The following RLF variants were observed in gnomAD, a reference collection of about 807,000 sequenced individuals.
RLF encodes the protein RLF zinc finger, also known as zinc finger protein Rlf.
RLF carries 7 observed loss-of-function variants against 162.9 expected under a neutral mutation model. The ratio of observed to expected loss-of-function variants is 0.04; its 90% CI spans 0.02 to 0.08. RLF has a LOEUF of 0.08. RLF is among the 10% of genes least tolerant of loss of function. The pLI is 1.00. For synonymous variants in RLF, 782 were observed against 791.5 expected (o/e 0.99, Z 0.20); for missense variants, 1,664 against 2,244.7 (o/e 0.74, Z 5.23).
intron 6 of RLF, among the ~76,000 whole-genome samples, chr1:40,229,448 CTTTTTTTTT>C (rs1005418216): frequency 1.6e-4 from 15 of 90,980 alleles, no homozygotes; most frequent in African/African-American, 6.4e-4. Context: ...ATTCATTTAT[CTTTTTTTTT>C]TTTTTTTTTT....
Position 40,161,786 on chromosome 1 carries a change from C to A in RLF, c.237+150C>A. ...GGGCCGGGAAGGCCCAGCTCGGAAG[C>A]TCGACCGCTGGCCCCCCTGCGCCAC... On this transcript the variant is annotated intron_variant, in intron 1 of 7. Coordinates refer to ENST00000372771, the MANE Select transcript of RLF (RefSeq NM_012421.4). This position sits in a 1 kb window ranked among gnomAD's most constrained non-coding sequence, Gnocchi z 4.4. 1 of 1,162,814 alleles carries A rather than the reference C, an allele frequency of 8.6e-7. No homozygotes were observed. Among genetic ancestry groups the A allele is most frequent in the Non-Finnish European group, 1.2e-6 (1 of 846,450 alleles). The allele number at this position is 1,162,814 out of a possible 1,614,324, so 72.0% of individuals were successfully genotyped here.
chr1:40,218,541 C>T (rs1049170520), intron 5 of RLF, among the ~76,000 whole-genome samples: 3 of 152,176 alleles, frequency 2.0e-5, no homozygotes, highest in Admixed American at 6.5e-5. Flanking sequence ...AACCTTTTCC[C>T]TCCTCACATG....
intron 1 of RLF, among the ~76,000 whole-genome samples, chr1:40,185,825 T>G (rs1481352412): frequency 3.3e-5 from 1 of 30,196 alleles, no homozygotes; most frequent in African/African-American, 1.8e-4. Flanking sequence ...TGAGACTGTC[T>G]CAAAAAAAAA....
chr1:40,169,787 G>A (rs1353555193), intron 1 of RLF, among the ~76,000 whole-genome samples: 3 of 150,638 alleles, frequency 2.0e-5, no homozygotes, highest in African/African-American at 7.3e-5. Flanking sequence ...CCGCCTCCCG[G>A]GTTCAAGTGA....
chr1:40,212,224 A>G (rs1204020480), intron 5 of RLF, among the ~76,000 whole-genome samples: 1 of 152,154 alleles, frequency 6.6e-6, no homozygotes, highest in African/African-American at 2.4e-5. Flanking sequence ...GCTGCTGGGG[A>G]AGATTTAGCC....
In RLF at chr1:40,195,619, G is replaced by T. The variant is rs201022214; in HGVS notation, c.475-13G>T. The stretch of plus-strand genomic sequence containing the variant: ...TGTTAACTTATTTTCTGGGTGTGCT[G>T]TTCTTGTTCTAGGAGTCACATGATG... On this transcript the variant is annotated splice_polypyrimidine_tract_variant and intron_variant, in intron 3 of 7. Coordinates refer to ENST00000372771, the MANE Select transcript of RLF (RefSeq NM_012421.4). 4 of 1,603,786 alleles carry T rather than the reference G, an allele frequency of 2.5e-6. No individual in the cohort carries two copies. The highest frequency in any genetic ancestry group is 3.4e-6 in the Non-Finnish European group (4 of 1,174,876).
chr1:40,202,525 T>G lies in RLF; in HGVS notation c.721T>G (p.Ser241Ala), dbSNP rs545236290. Residue 241 changes from serine (S) to alanine (A), a missense_variant, in exon 5 of 8, where the codon TCT (serine) becomes GCT (alanine). Coordinates refer to ENST00000372771, the MANE Select transcript of RLF (RefSeq NM_012421.4). ...ATALSKLCAESKEISNVSSFQ... is the reference protein window; with the variant it reads ...ATALSKLCAEAKEISNVSSFQ... ...TGCTTTATCAAAACTATGTGCAGAA[T>G]CTAAAGAAATTTCAAATGTGTCATC... 1 of 1,568,168 alleles carries G rather than the reference T, an allele frequency of 6.4e-7. No individual in the cohort carries two copies. The highest frequency in any genetic ancestry group is 1.2e-5 in the South Asian group (1 of 81,674).
intron 6 of RLF, among the ~76,000 whole-genome samples, chr1:40,226,094 A>G (rs1309481677): frequency 6.6e-6 from 1 of 152,176 alleles, no homozygotes; most frequent in African/African-American, 2.4e-5. Flanking sequence ...TGTCACTCAG[A>G]ACGGTTTTTA....
intron 1 of RLF, among the ~76,000 whole-genome samples, chr1:40,179,846 A>G (rs1220773959): frequency 6.6e-6 from 1 of 152,184 alleles, no homozygotes; most frequent in Non-Finnish European, 1.5e-5. Context: ...GAAATTGTAC[A>G]GTATTTGTCT....
At chr1:40,207,189 A>T (rs1186698748) in intron 5 of RLF, among the ~76,000 whole-genome samples, 2 of 152,202 alleles carry the variant, frequency 1.3e-5, no homozygotes, top group Non-Finnish European at 2.9e-5. Context: ...ATGCTTAGCC[A>T]TGTAGGCACT....
chr1:40,236,344 C>G lies in RLF; in HGVS notation c.1642C>G (p.Gln548Glu). The G allele has an allele frequency of 6.2e-7, 1 of 1,613,884 alleles. No homozygotes were observed. The highest frequency in any genetic ancestry group is 1.7e-5 in the Admixed American group (1 of 59,974). ...ACCTATTGGCTCTTCTGAAAGATATCAGAGGTGGCTTCAGTACAAGTTTTT... is the reference window on the plus strand; with the variant it reads ...ACCTATTGGCTCTTCTGAAAGATATGAGAGGTGGCTTCAGTACAAGTTTTT... The part of the protein sequence containing the change: ...KKPIGSSERY[Q>E]RWLQYKFFCL... The change falls in exon 8 of 8, where the codon CAG (glutamine) becomes GAG (glutamate). Residue 548 changes from glutamine (Q) to glutamate (E), a missense_variant. Physicochemically the swap from Gln to Glu is conservative, Grantham distance 29 (BLOSUM62 2). Coordinates refer to ENST00000372771, the MANE Select transcript of RLF (RefSeq NM_012421.4). This position sits in a 1 kb window ranked among gnomAD's most constrained non-coding sequence, Gnocchi z 7.7.
intron 6 of RLF, 103 bp from the exon 7 acceptor site, chr1:40,231,414 C>G (rs548737085): frequency 2.1e-6 from 2 of 939,486 alleles, no homozygotes; most frequent in Non-Finnish European, 3.2e-6. Flanking sequence ...TTTTTGTTTT[C>G]TCTACTGTCA....
rs780442115 is a variant in RLF, at chr1:40,239,522, A to G, written c.4820A>G (p.Asp1607Gly). 2.2e-5 allele frequency: 35 copies of G among 1,613,916 alleles called. 1 individual carries two copies. Among genetic ancestry groups the G allele is most frequent in the Non-Finnish European group, 2.9e-5 (34 of 1,180,022 alleles). The change falls in exon 8 of 8, where the codon GAT (aspartate) becomes GGT (glycine). Residue 1607 changes from aspartate (D) to glycine (G), a missense_variant. Coordinates refer to ENST00000372771, the MANE Select transcript of RLF (RefSeq NM_012421.4). Reference sequence around the variant, plus strand: ...AAGGAGGAACCCCCTTCTGAAGCAGATCCCTGTATAAAGAAAGAAGAAAAT... The same window carrying G: ...AAGGAGGAACCCCCTTCTGAAGCAGGTCCCTGTATAAAGAAAGAAGAAAAT... Reference protein sequence around the residue: ...KIKEEPPSEADPCIKKEENRS... With the variant: ...KIKEEPPSEAGPCIKKEENRS...
Position 40,240,293 on chromosome 1 carries a change from T to G in RLF, c.5591T>G (p.Leu1864Trp), listed in dbSNP as rs778686670. The change falls in exon 8 of 8, where the codon TTG becomes TGG. Residue 1864 changes from leucine to tryptophan, a missense_variant. Leu to Trp is a moderately conservative substitution (Grantham distance 61, BLOSUM62 -2). Transcript: ENST00000372771. Reference protein sequence around the residue: ...VPSLENLRVVLDKALTDCGEL... With the variant: ...VPSLENLRVVWDKALTDCGEL... ...TCCTTGGAAAACCTGAGGGTTGTAT[T>G]GGACAAAGCATTAACAGACTGTGGA... 1 of 1,614,196 alleles carries G rather than the reference T, an allele frequency of 6.2e-7. No homozygotes were observed. Among genetic ancestry groups the G allele is most frequent in the South Asian group, 1.1e-5 (1 of 91,082 alleles).
At chr1:40,200,108 A>G (rs1310154119) in intron 4 of RLF, among the ~76,000 whole-genome samples, 1 of 152,176 alleles carries the variant, frequency 6.6e-6, no homozygotes, top group East Asian at 1.9e-4. Flanking sequence ...CCTTGACTAC[A>G]TATTAGAGTA....
chr1:40,161,459 G>A lies in RLF; in HGVS notation c.60G>A (p.Ala20=). The A allele has an allele frequency of 6.3e-7, 1 of 1,577,206 alleles. No individual in the cohort carries two copies. Among genetic ancestry groups the A allele is most frequent in the Admixed American group, 1.9e-5 (1 of 52,124 alleles). ...CCGGGGCTGGGGCTGAGGCTCCGGC[G>A]GTAGCGGGAGCCGGAGATGGAGTCG... The part of the protein sequence containing the change: ...AVAGAGAEAP[A]VAGAGDGVET... Residue 20 remains alanine, a synonymous_variant, in exon 1 of 8, where the codon GCG becomes GCA. Transcript: ENST00000372771. This position sits in a 1 kb window ranked among gnomAD's most constrained non-coding sequence, Gnocchi z 4.4.
Position 40,190,836 on chromosome 1 carries a change from T to G in RLF, c.457T>G (p.Phe153Val). 6.2e-7 allele frequency: 1 copy of G among 1,612,554 alleles called. No individual in the cohort carries two copies. The highest frequency in any genetic ancestry group is 8.5e-7 in the Non-Finnish European group (1 of 1,178,810). Residue 153 changes from phenylalanine (F) to valine (V), a missense_variant, in exon 3 of 8, where the codon TTC (phenylalanine) becomes GTC (valine). Physicochemically the swap from Phe to Val is conservative, Grantham distance 50. This residue lies in a region of RLF where 287 missense variants were observed against 404.9 expected (regional missense o/e 0.71). Coordinates refer to ENST00000372771, the MANE Select transcript of RLF (RefSeq NM_012421.4). ...SELPCEVWLP[F>V]LQSLQESHDA... ...ACTGCCATGTGAAGTCTGGCTACCATTCCTTCAGTCTCTACAGGTGAGTTG... is the reference window on the plus strand; with the variant it reads ...ACTGCCATGTGAAGTCTGGCTACCAGTCCTTCAGTCTCTACAGGTGAGTTG...
At chr1:40,187,676 G>A (rs1478075966) in intron 1 of RLF, among the ~76,000 whole-genome samples, 1 of 152,008 alleles carries the variant, frequency 6.6e-6, no homozygotes, top group African/African-American at 2.4e-5. Flanking sequence ...TGGTATAATG[G>A]TCTATGGTAT....
chr1:40,163,269 A>C (rs1165503765), intron 1 of RLF, among the ~76,000 whole-genome samples: 6 of 152,174 alleles, frequency 3.9e-5, no homozygotes, highest in Non-Finnish European at 8.8e-5. Flanking sequence ...CCAGTGCCAA[A>C]GGTAGAGATT....
Sources: gnomAD v4.1 joint callset for allele counts (sites outside exome capture counted in the v4.1 genomes callset) on GRCh38, gnomAD v4.1.1 for gene constraint, gnomAD v4.1.1 regional missense constraint, Gnocchi (gnomAD v3.1) non-coding constraint, MANE v1.5 for transcripts, NCBI Gene and HGNC (gene_info 2026-07-23, HGNC 2026-07-21) for gene names.